The following TXLNB variants were observed in gnomAD, a reference collection of about 807,000 sequenced individuals.
TXLNB encodes the protein taxilin beta, also known as beta-taxilin.
Under a neutral mutation model 57.4 loss-of-function variants are expected in TXLNB, and 37 were observed. The ratio of observed to expected loss-of-function variants is 0.64; its 90% CI spans 0.50 to 0.85. The LOEUF is 0.85. Ranked by LOEUF, TXLNB falls within the 40% of genes least tolerant of loss-of-function variation. The pLI is 0.00. For missense variants in TXLNB, 848 were observed against 825.6 expected (o/e 1.03, Z -0.33); for synonymous variants, 302 against 309.6 (o/e 0.98, Z 0.26).
intron 2 of TXLNB, chr6:139,286,865 GA>G: frequency 5.7e-6 from 1 of 175,498 alleles, no homozygotes; most frequent in Non-Finnish European, 1.2e-5. Flanking sequence ...CTAGTTACAG[GA>G]AAACAAGCTC....
chr6:139,310,180 T>C, the TXLNB span, among the ~76,000 whole-genome samples: 34 of 152,292 alleles, frequency 2.2e-4, no homozygotes, highest in Admixed American at 1.6e-3. Flanking sequence ...ATCGACAGGA[T>C]GAAAGAGTAA....
chr6:139,305,668 A>G, the TXLNB span, among the ~76,000 whole-genome samples: 2 of 152,210 alleles, frequency 1.3e-5, no homozygotes, highest in Non-Finnish European at 2.9e-5. Context: ...GTAGATTTCT[A>G]TAGGAAGATA....
chr6:139,215,474 T>C, the TXLNB span, among the ~76,000 whole-genome samples: 3 of 152,084 alleles, frequency 2.0e-5, no homozygotes, highest in Non-Finnish European at 4.4e-5. Context: ...CAAAAATTAA[T>C]TCAAGATGGA....
At chr6:139,174,923 G>C in the TXLNB span, among the ~76,000 whole-genome samples, 1 of 152,070 alleles carries the variant, frequency 6.6e-6, no homozygotes, top group African/African-American at 2.4e-5. Flanking sequence ...CTAAGATTCT[G>C]TATGATTAGC....
the TXLNB span, chr6:139,166,297 C>G: frequency 6.2e-7 from 1 of 1,600,974 alleles, no homozygotes; most frequent in Non-Finnish European, 8.5e-7. Flanking sequence ...CCCCATGTGC[C>G]ACTCCCCTGA....
chr6:139,223,491 T>C, the TXLNB span, among the ~76,000 whole-genome samples: 1 of 152,000 alleles, frequency 6.6e-6, no homozygotes, highest in Non-Finnish European at 1.5e-5. Flanking sequence ...CAAAGGCCAA[T>C]ATTTGGTCTG....
At chr6:139,212,596 T>A in the TXLNB span, among the ~76,000 whole-genome samples, 1 of 152,106 alleles carries the variant, frequency 6.6e-6, no homozygotes, top group Non-Finnish European at 1.5e-5. Context: ...CCAGCTAACA[T>A]CATAATGACA....
the TXLNB span, among the ~76,000 whole-genome samples, chr6:139,308,773 G>GT: frequency 6.6e-6 from 1 of 152,206 alleles, no homozygotes; most frequent in Admixed American, 6.5e-5. Flanking sequence ...TTCCCACTAG[G>GT]TAATGAGTCA....
the TXLNB span, among the ~76,000 whole-genome samples, chr6:139,197,327 G>A: frequency 6.7e-6 from 1 of 149,930 alleles, no homozygotes; most frequent in South Asian, 2.1e-4. Flanking sequence ...TTTGTTGTCT[G>A]TTTTCCTCAC....
Position 139,241,501 on chromosome 6 carries a change from T to C in TXLNB, c.*1025A>G, listed in dbSNP as rs1017459340. ...AGGGGATCAAAGCACAGCCCCTTCTTAGTGTGAGGTCCCTTAACCCCTCAA... is the reference window on the plus strand; with the variant it reads ...AGGGGATCAAAGCACAGCCCCTTCTCAGTGTGAGGTCCCTTAACCCCTCAA... On this transcript the variant is annotated 3_prime_UTR_variant, in exon 10 of 10. Coordinates refer to ENST00000358430, the MANE Select transcript of TXLNB (RefSeq NM_153235.4). The C allele has an allele frequency of 5.3e-5, 8 of 152,152 alleles. No individual in the cohort carries two copies. The highest frequency in any genetic ancestry group is 1.7e-4 in the African/African-American group (7 of 41,422). 9.4% of individuals were successfully genotyped at this position (152,152 alleles called of 1,614,324 possible). A position where few individuals can be genotyped will look rare whatever the true frequency, so the allele number is the denominator to read the frequency against.
At chr6:139,222,444 T>C in the TXLNB span, among the ~76,000 whole-genome samples, 800 of 152,242 alleles carry the variant, frequency 5.3e-3, 2 homozygotes, top group Non-Finnish European at 9.0e-3. Flanking sequence ...CATAAAGATA[T>C]CGCTAGTATA....
chr6:139,243,343 C>CA, intron 9 of TXLNB, 29 bp from the exon 10 acceptor site: 1 of 1,574,530 alleles, frequency 6.4e-7, no homozygotes, highest in Non-Finnish European at 8.6e-7. Flanking sequence ...CGCACATACA[C>CA]ACACAGATGA....
intron 2 of TXLNB, 26 bp downstream of exon 2, chr6:139,288,450 T>G (rs1777226937): frequency 6.2e-7 from 1 of 1,602,026 alleles, no homozygotes; most frequent in Admixed American, 1.7e-5. Context: ...TACAGAAAAG[T>G]CACATATTTG....
At chr6:139,192,693 C>T in the TXLNB span, among the ~76,000 whole-genome samples, 4 of 151,970 alleles carry the variant, frequency 2.6e-5, no homozygotes, top group Non-Finnish European at 5.9e-5. Flanking sequence ...GCCTGTAATC[C>T]CAGCACTTTC....
chr6:139,177,596 A>G, the TXLNB span: 1 of 152,822 alleles, frequency 6.5e-6, no homozygotes, highest in Non-Finnish European at 1.5e-5. The surrounding 1 kb of genome is among the most constrained non-coding windows in gnomAD (Gnocchi z 4.9). Context: ...TGCAGCACAC[A>G]TGGGCAGGCA....
the TXLNB span, among the ~76,000 whole-genome samples, chr6:139,223,309 A>G: frequency 6.6e-6 from 1 of 152,232 alleles, no homozygotes; most frequent in Non-Finnish European, 1.5e-5. Context: ...AGTTAAAGCC[A>G]TTCTTAGGTA....
At chr6:139,224,390 A>G in the TXLNB span, among the ~76,000 whole-genome samples, 3 of 151,430 alleles carry the variant, frequency 2.0e-5, no homozygotes, top group Non-Finnish European at 4.4e-5. Flanking sequence ...TGGCACATGT[A>G]TATGTATGTA....
chr6:139,243,200 C>A lies in TXLNB; in HGVS notation c.1381G>T (p.Ala461Ser). The A allele has an allele frequency of 6.2e-7, 1 of 1,614,110 alleles. No homozygotes were observed. The highest frequency in any genetic ancestry group is 8.5e-7 in the Non-Finnish European group (1 of 1,180,020). The change falls in exon 10 of 10, where the codon GCA becomes TCA. Residue 461 changes from alanine to serine, a missense_variant. By Grantham distance (99) the Ala-to-Ser change is moderately conservative. Transcript: ENST00000358430. The part of the protein sequence containing the change: ...RNELHKKIRD[A>S]EISEKDDQSQ... ...TGGTCATCCTTTTCAGATATTTCTG[C>A]GTCTCTGATTTTTTTGTGGAGTTCG...
chr6:139,289,566 T>C (rs1777260505), intron 1 of TXLNB, among the ~76,000 whole-genome samples: 1 of 152,180 alleles, frequency 6.6e-6, no homozygotes, highest in South Asian at 2.1e-4. Flanking sequence ...AAGTTGTTTT[T>C]CCAAATCAAG....
Sources: allele counts gnomAD v4.1 joint callset (sites outside exome capture counted in the v4.1 genomes callset), GRCh38; gene constraint gnomAD v4.1.1; non-coding constraint Gnocchi (gnomAD v3.1); transcripts MANE v1.5; gene names NCBI Gene and HGNC (gene_info 2026-07-23, HGNC 2026-07-21).